The following GALNT14 variants were observed in gnomAD, a reference collection of about 807,000 sequenced individuals.
GALNT14 encodes UDP-GalNAc:polypeptide N-acetylgalactosaminyltransferase 14.
GALNT14 carries 60 observed loss-of-function variants against 77.5 expected under a neutral mutation model. The ratio of observed to expected loss-of-function variants is 0.77; its 90% CI spans 0.63 to 0.96. The LOEUF (loss-of-function observed/expected upper bound fraction) is 0.96. Among genes scored for constraint, GALNT14 ranks in the 40% least tolerant of loss-of-function variants. The pLI, the probability that GALNT14 is intolerant of heterozygous loss-of-function variation, is 0.00. For synonymous variants in GALNT14, 280 were observed against 281.7 expected, an observed-to-expected ratio of 0.99 and a Z score of 0.06; for missense variants, 710 against 731.0, an observed-to-expected ratio of 0.97 and a Z score of 0.33.
chr2:31,126,107 C>G (rs1678688434), intron 1 of GALNT14, among the ~76,000 whole-genome samples: 1 of 152,192 alleles, frequency 6.6e-6, no homozygotes. Flanking sequence ...AAATATTTCT[C>G]TGAAAATATT....
At chr2:31,123,131 G>A (rs924940087) in intron 1 of GALNT14, among the ~76,000 whole-genome samples, 1 of 145,570 alleles carries the variant, frequency 6.9e-6, no homozygotes, top group Admixed American at 7.1e-5. Context: ...GCAGTGAGCC[G>A]AGGTGGCACC....
Position 31,134,370 on chromosome 2 carries a change from G to C in GALNT14, c.129+3588C>G, listed in dbSNP as rs146641530. The stretch of plus-strand genomic sequence containing the variant: ...CTGAGCAGGAAGAAAACCTCTCCAA[G>C]GCTTCAGCATGTCCAAGGCAAAGAG... On this transcript the variant is annotated intron_variant, in intron 1 of 14. Transcript: ENST00000349752. Among the ~76,000 whole-genome samples, 306 of 152,350 alleles carry C rather than the reference G, an allele frequency of 2.0e-3. 1 individual carries two copies. Among genetic ancestry groups the C allele is most frequent in the African/African-American group, 7.2e-3 (298 of 41,584 alleles).
At chr2:31,085,103 T>C (rs1449718341) in intron 1 of GALNT14, among the ~76,000 whole-genome samples, 2 of 151,670 alleles carry the variant, frequency 1.3e-5, no homozygotes, top group Admixed American at 6.6e-5. Flanking sequence ...CAGGGGAACA[T>C]CATTCAAGCA....
At chr2:31,038,716 C>T (rs916894374) in intron 1 of GALNT14, among the ~76,000 whole-genome samples, 11 of 151,112 alleles carry the variant, frequency 7.3e-5, no homozygotes, top group East Asian at 2.0e-4. Flanking sequence ...TAAAATCCCA[C>T]GAAGCTCTTT....
intron 1 of GALNT14, among the ~76,000 whole-genome samples, chr2:31,135,583 G>C (rs1259838327): frequency 6.6e-6 from 1 of 152,056 alleles, no homozygotes; most frequent in Non-Finnish European, 1.5e-5. Context: ...AAAAATTCAT[G>C]GTTCTAGAAG....
At chr2:30,912,159 A>G in intron 14 of GALNT14, 64 bp downstream of exon 14, 1 of 1,590,472 alleles carries the variant, frequency 6.3e-7, no homozygotes, top group Non-Finnish European at 8.6e-7. Flanking sequence ...TCATCAGACT[A>G]AGCCCTCAAC....
intron 11 of GALNT14, among the ~76,000 whole-genome samples, chr2:30,927,636 T>C (rs1665468514): frequency 6.6e-6 from 1 of 152,044 alleles, no homozygotes; most frequent in South Asian, 2.1e-4. Flanking sequence ...GCAGAAGCAG[T>C]GAAGTTAATG....
At chr2:30,901,690 T>A in the GALNT14 span, among the ~76,000 whole-genome samples, 1 of 151,848 alleles carries the variant, frequency 6.6e-6, no homozygotes, top group Non-Finnish European at 1.5e-5. Context: ...TGTATATATA[T>A]GTGTGTGTGT....
chr2:30,999,562 A>T (rs746171792), intron 1 of GALNT14, among the ~76,000 whole-genome samples: 1 of 152,236 alleles, frequency 6.6e-6, no homozygotes, highest in African/African-American at 2.4e-5. Context: ...GGGTTCATCA[A>T]GGAATTCAAA....
At chr2:30,896,926 C>A in the GALNT14 span, among the ~76,000 whole-genome samples, 1 of 152,088 alleles carries the variant, frequency 6.6e-6, no homozygotes, top group Non-Finnish European at 1.5e-5. Context: ...CTTTAACAGG[C>A]CCCGCCTTCT....
intron 1 of GALNT14, among the ~76,000 whole-genome samples, chr2:31,095,957 T>A (rs891190220): frequency 6.6e-6 from 1 of 152,124 alleles, no homozygotes; most frequent in Non-Finnish European, 1.5e-5. Context: ...AAAATCAAGG[T>A]GTCAGCAAGG....
downstream of GALNT14, among the ~76,000 whole-genome samples, chr2:30,907,204 AAG>A (rs561502065): frequency 2.0e-4 from 31 of 152,350 alleles, no homozygotes; most frequent in South Asian, 5.8e-3. Context: ...AGAAATAACT[AAG>A]ATCGGAGCAG....
intron 1 of GALNT14, among the ~76,000 whole-genome samples, chr2:31,095,758 G>A (rs1558566099): frequency 6.6e-6 from 1 of 152,160 alleles, no homozygotes; most frequent in Non-Finnish European, 1.5e-5. Flanking sequence ...CGTAGTAGCT[G>A]TAAGACATAT....
At chr2:31,038,668 T>C (rs891523314) in intron 1 of GALNT14, among the ~76,000 whole-genome samples, 3 of 152,128 alleles carry the variant, frequency 2.0e-5, no homozygotes, top group Non-Finnish European at 2.9e-5. Context: ...TTAAGACTAC[T>C]GCAGAGCTGA....
intron 1 of GALNT14, among the ~76,000 whole-genome samples, chr2:31,094,010 C>T (rs1016680839): frequency 6.6e-6 from 1 of 152,178 alleles, no homozygotes; most frequent in African/African-American, 2.4e-5. Flanking sequence ...GGCCTCTGAC[C>T]CCAAGCTAAG....
intron 1 of GALNT14, among the ~76,000 whole-genome samples, chr2:31,125,551 G>C (rs77746069): frequency 0.014 from 2,087 of 152,308 alleles, 27 homozygotes; most frequent in Non-Finnish European, 0.017. Context: ...AATATGCTCA[G>C]TATGACTGGG....
At chr2:30,942,601 C>A (rs1324256050) in intron 8 of GALNT14, among the ~76,000 whole-genome samples, 1 of 152,176 alleles carries the variant, frequency 6.6e-6, no homozygotes, top group Non-Finnish European at 1.5e-5. Flanking sequence ...ACAGGGCTCA[C>A]TCAGGACTCC....
At chr2:31,068,498 A>AC (rs1371263540) in intron 1 of GALNT14, among the ~76,000 whole-genome samples, 2 of 113,078 alleles carry the variant, frequency 1.8e-5, no homozygotes, top group African/African-American at 7.7e-5. Context: ...ACAAAGCAAG[A>AC]CCCCGTCTCA....
chr2:31,034,828 T>C lies in GALNT14; in HGVS notation c.130-41821A>G, dbSNP rs181122183. ...TGTTTGTCTCAGACTGTTTTCTAATTTCTCCTGTGATTTCTTCTTTAACCT... is the reference window on the plus strand; with the variant it reads ...TGTTTGTCTCAGACTGTTTTCTAATCTCTCCTGTGATTTCTTCTTTAACCT... On this transcript the variant is annotated intron_variant, in intron 1 of 14. Transcript: ENST00000349752. 3.6e-3 allele frequency among the ~76,000 whole-genome samples: 547 copies of C among 152,356 alleles called. 7 individuals are homozygous for C. Among genetic ancestry groups the C allele is most frequent in the African/African-American group, 0.013 (529 of 41,580 alleles).
Sources: allele counts gnomAD v4.1 joint callset (sites outside exome capture counted in the v4.1 genomes callset), GRCh38; gene constraint gnomAD v4.1.1; transcripts MANE v1.5; gene names NCBI Gene and HGNC (gene_info 2026-07-23, HGNC 2026-07-21).